FAHD1: variants seen among roughly 807,000 people sequenced by gnomAD.
The protein encoded by FAHD1 is FAH domain containing oxaloacetate decarboxylase 1, also known as oxaloacetate tautomerase FAHD1, mitochondrial.
FAHD1 carries 14 observed loss-of-function variants against 12.7 expected under a neutral mutation model. The ratio of observed to expected loss-of-function variants is 1.10; its 90% CI spans 0.73 to 1.72. FAHD1 has a LOEUF of 1.72. Among genes scored for constraint, FAHD1 ranks in the 40% most tolerant of loss-of-function variants. The pLI is 0.00. For synonymous variants in FAHD1, 153 were observed against 124.9 expected, an observed-to-expected ratio of 1.22 and a Z score of -1.50; for missense variants, 351 against 298.9, an observed-to-expected ratio of 1.17 and a Z score of -1.29.
At chr16:1,827,256 A>G in exon 1 of FAHD1, 2 of 1,610,854 alleles carry the variant, frequency 1.2e-6, no homozygotes, top group South Asian at 1.1e-5. Flanking sequence ...CATCCAGGCC[A>G]TTGTCCCGCT....
chr16:1,838,726 C>G (rs528034242), intron 2 of FAHD1, among the ~76,000 whole-genome samples: 3 of 152,170 alleles, frequency 2.0e-5, no homozygotes, highest in Non-Finnish European at 4.4e-5. Flanking sequence ...AAGTCTTGCT[C>G]TATCACTCAG....
At chr16:1,832,230 G>T (rs1898634690), downstream of FAHD1, among the ~76,000 whole-genome samples, 1 of 104,454 alleles carries the variant, frequency 9.6e-6, no homozygotes, top group South Asian at 3.1e-4. Flanking sequence ...CGCTGCAGTG[G>T]CATGATCTCG....
intron 1 of FAHD1, chr16:1,834,238 T>A: frequency 7.2e-7 from 1 of 1,394,048 alleles, no homozygotes; most frequent in Non-Finnish European, 1.0e-6. Flanking sequence ...TTTCCAGAGT[T>A]CAAAATGATA....
At chr16:1,832,453 G>T (rs1567269744), downstream of FAHD1, among the ~76,000 whole-genome samples, 1 of 149,730 alleles carries the variant, frequency 6.7e-6, no homozygotes, top group African/African-American at 2.4e-5. Context: ...TTACAGGCGT[G>T]AGCCACCGCG....
chr16:1,837,729 G>A lies in FAHD1; in HGVS notation c.628-287G>A, dbSNP rs1372215912. The A allele has an allele frequency of 5.5e-6, 5 of 914,308 alleles. No individual in the cohort carries two copies. The African/African-American group carries it at 8.5e-5, about 15-fold the overall frequency. 56.6% of individuals were successfully genotyped at this position (914,308 alleles called of 1,614,324 possible). A position where few individuals can be genotyped will look rare whatever the true frequency, so the allele number is the denominator to read the frequency against. Reference sequence around the variant, plus strand: ...TTTATCTAGGTTTTTCTTATGGTTTGAATATACAGAATAATAAATATATAG... The same window carrying A: ...TTTATCTAGGTTTTTCTTATGGTTTAAATATACAGAATAATAAATATATAG... On this transcript the variant is annotated intron_variant, in intron 1 of 2. Transcript: ENST00000382666.
chr16:1,834,703 C>T (rs915371274), intron 1 of FAHD1, among the ~76,000 whole-genome samples: 7 of 152,072 alleles, frequency 4.6e-5, no homozygotes, highest in African/African-American at 9.7e-5. Context: ...GAGGCCAAGG[C>T]GGGTGGATCA....
At chr16:1,830,981 GAA>G (rs1258685555), downstream of FAHD1, among the ~76,000 whole-genome samples, 1 of 142,266 alleles carries the variant, frequency 7.0e-6, no homozygotes, top group Admixed American at 7.2e-5. Context: ...GGTGACTGCA[GAA>G]AGACTCTTCC....
chr16:1,829,389 C>G (rs1217502406), downstream of FAHD1, among the ~76,000 whole-genome samples: 1 of 152,140 alleles, frequency 6.6e-6, no homozygotes, highest in Non-Finnish European at 1.5e-5. Flanking sequence ...ACTACCATCC[C>G]CATTACTCAG....
At chr16:1,827,208 C>G (rs1486587732) in exon 1 of FAHD1, 2 of 1,581,706 alleles carry the variant, frequency 1.3e-6, no homozygotes, top group Non-Finnish European at 1.7e-6. Flanking sequence ...CGGCCCAGCC[C>G]ACGTGACTAC....
intron 1 of FAHD1, among the ~76,000 whole-genome samples, chr16:1,836,445 A>G (rs1254198720): frequency 6.6e-6 from 1 of 152,178 alleles, no homozygotes; most frequent in African/African-American, 2.4e-5. Context: ...GTCTGGAGGG[A>G]AAGTATACAG....
chr16:1,829,055 C>A, downstream of FAHD1: 1 of 404,700 alleles, frequency 2.5e-6, no homozygotes, highest in Non-Finnish European at 3.4e-6. Context: ...CTGTACTTCC[C>A]AACCGGAGAT....
At chr16:1,834,402 AT>A in intron 1 of FAHD1, 1 of 1,140,740 alleles carries the variant, frequency 8.8e-7, no homozygotes, top group Non-Finnish European at 1.3e-6. Flanking sequence ...CAAAAGGTTA[AT>A]TTTTAAAATC....
chr16:1,837,158 C>T (rs896276058), intron 1 of FAHD1, among the ~76,000 whole-genome samples: 4 of 152,086 alleles, frequency 2.6e-5, no homozygotes, highest in African/African-American at 9.7e-5. Context: ...CAACTGTGGC[C>T]CTTCAGGGTT....
chr16:1,839,240 C>A, intron 2 of FAHD1: 1 of 1,552,742 alleles, frequency 6.4e-7, no homozygotes. Flanking sequence ...ACATTTCTTC[C>A]TTTTTGCTAT....
exon 2 of FAHD1, chr16:1,838,089 C>T (rs528391738): frequency 9.0e-6 from 7 of 775,344 alleles, no homozygotes; most frequent in African/African-American, 5.3e-5. Context: ...CTCGAACTCC[C>T]GGGGTCAAGC....
At chr16:1,832,898 G>C (rs1487830053), downstream of FAHD1, among the ~76,000 whole-genome samples, 1 of 152,118 alleles carries the variant, frequency 6.6e-6, no homozygotes, top group African/African-American at 2.4e-5. Flanking sequence ...ACCACAATTT[G>C]GACACTTAGG....
intron 2 of FAHD1, chr16:1,838,237 T>TG (rs1248979064): frequency 7.2e-6 from 3 of 418,664 alleles, no homozygotes; most frequent in African/African-American, 6.1e-5. Context: ...TGGCCTCAAG[T>TG]GATCCTCCTG....
intron 1 of FAHD1, among the ~76,000 whole-genome samples, chr16:1,835,120 T>C (rs1363281303): frequency 6.6e-6 from 1 of 151,950 alleles, no homozygotes; most frequent in Non-Finnish European, 1.5e-5. Context: ...CCAGGTGTGG[T>C]GGTGCACACC....
chr16:1,828,029 C>A (rs1898538819), exon 1 of FAHD1: 29 of 1,474,418 alleles, frequency 2.0e-5, no homozygotes, highest in Non-Finnish European at 2.5e-5. Flanking sequence ...CGCCTGTAAT[C>A]GCAGCACTTT....
Sources: gnomAD v4.1 joint callset for allele counts (sites outside exome capture counted in the v4.1 genomes callset) on GRCh38, gnomAD v4.1.1 for gene constraint, MANE v1.5 for transcripts, NCBI Gene and HGNC (gene_info 2026-07-23, HGNC 2026-07-21) for gene names.